The following KCNMA1 variants were observed in gnomAD, a reference collection of about 807,000 sequenced individuals.
The protein encoded by KCNMA1 is Calcium-activated potassium channel subunit alpha-1.
Under a neutral mutation model 140.0 loss-of-function variants are expected in KCNMA1, and 29 were observed. The ratio of observed to expected loss-of-function variants is 0.21; its 90% confidence interval spans 0.15 to 0.28. The LOEUF (loss-of-function observed/expected upper bound fraction) is 0.28, where lower values mean the gene tolerates loss of function less well. Among genes scored for constraint, KCNMA1 ranks in the 10% least tolerant of loss-of-function variants. KCNMA1 has a pLI of 1.00. For missense variants in KCNMA1, 880 were observed against 1,602.2 expected (o/e 0.55, Z 7.70); for synonymous variants, 612 against 611.9 (o/e 1.00, Z 0.00).
intron 2 of KCNMA1, among the ~76,000 whole-genome samples, chr10:77,375,463 C>T (rs1226409901): frequency 6.6e-6 from 1 of 152,192 alleles, no homozygotes; most frequent in East Asian, 1.9e-4. Flanking sequence ...ATTCACGCGG[C>T]TGTTAATGAC....
chr10:77,136,882 A>G (rs2098049000), intron 5 of KCNMA1, among the ~76,000 whole-genome samples: 1 of 152,190 alleles, frequency 6.6e-6, no homozygotes, highest in South Asian at 2.1e-4. Flanking sequence ...CGAGCCCTGT[A>G]CTCACATGCA....
intron 9 of KCNMA1, among the ~76,000 whole-genome samples, chr10:77,105,787 A>G (rs909917086): frequency 7.2e-5 from 11 of 152,224 alleles, no homozygotes; most frequent in African/African-American, 2.7e-4. Flanking sequence ...TTAGAAATAG[A>G]ACAACTGTAG....
intron 2 of KCNMA1, among the ~76,000 whole-genome samples, chr10:77,252,275 G>C (rs547538360): frequency 2.8e-4 from 42 of 152,290 alleles, no homozygotes; most frequent in Middle Eastern, 3.4e-3. Context: ...GCAAATAAAG[G>C]ATAGTCAGAA....
At chr10:77,506,840 A>AGAGTGTGT (rs1251463030) in intron 1 of KCNMA1, among the ~76,000 whole-genome samples, 22 of 120,956 alleles carry the variant, frequency 1.8e-4, no homozygotes, top group Admixed American at 3.5e-4. Context: ...AGAGAGAGAG[A>AGAGTGTGT]GTGTGTGTGT....
chr10:77,186,667 C>A (rs999847582), intron 3 of KCNMA1, among the ~76,000 whole-genome samples: 7 of 152,094 alleles, frequency 4.6e-5, no homozygotes, highest in African/African-American at 1.4e-4. Context: ...GAGTTCCCAG[C>A]CACTCTAGTT....
At chr10:77,012,085 A>C (rs1308900686) in intron 17 of KCNMA1, 42 bp from the exon 18 acceptor site, 5 of 1,612,162 alleles carry the variant, frequency 3.1e-6, no homozygotes, top group Non-Finnish European at 4.2e-6. Context: ...TTCATAATCC[A>C]CCCAAATGAA....
Position 77,476,048 on chromosome 10 carries a change from G to A in KCNMA1, c.379-72025C>T, listed in dbSNP as rs816856. Among the ~76,000 whole-genome samples the A allele has an allele frequency of 7.9e-5, 12 of 152,046 alleles. No homozygotes were observed. The South Asian group carries it at 1.0e-3, about 13-fold the overall frequency. On this transcript the variant is annotated intron_variant, in intron 1 of 27. Coordinates refer to ENST00000286628, the MANE Select transcript of KCNMA1 (RefSeq NM_001161352.2). ...TGGGTTGCAGAAAGAAGTTCCACCC[G>A]TACCCCCAAACCTGGATACTTCCTC...
intron 20 of KCNMA1, among the ~76,000 whole-genome samples, chr10:76,963,009 A>T (rs1391677882): frequency 1.3e-5 from 2 of 152,236 alleles, no homozygotes; most frequent in Admixed American, 6.5e-5. Context: ...TAAAAAGGGC[A>T]TTGTGATGTG....
At chr10:77,519,736 C>T (rs1567291875) in intron 1 of KCNMA1, among the ~76,000 whole-genome samples, 1 of 152,170 alleles carries the variant, frequency 6.6e-6, no homozygotes, top group Non-Finnish European at 1.5e-5. Context: ...TTAACACATC[C>T]CTTCGTGAAA....
At chr10:77,382,179 T>C (rs1001341303) in intron 2 of KCNMA1, among the ~76,000 whole-genome samples, 1 of 152,090 alleles carries the variant, frequency 6.6e-6, no homozygotes, top group Non-Finnish European at 1.5e-5. Context: ...GTAAGCCTTC[T>C]GCCTGCTGGA....
At chr10:77,506,809 C>CCGAGAGAG (rs2046262068) in intron 1 of KCNMA1, among the ~76,000 whole-genome samples, 1 of 41,448 alleles carries the variant, frequency 2.4e-5, no homozygotes, top group Non-Finnish European at 4.8e-5. Context: ...GAAAGATGTT[C>CCGAGAGAG]CGAGAGAGAG....
chr10:77,362,863 T>C (rs780061057), intron 2 of KCNMA1, among the ~76,000 whole-genome samples: 1 of 152,206 alleles, frequency 6.6e-6, no homozygotes, highest in African/African-American at 2.4e-5. Flanking sequence ...CCTGCTGCTG[T>C]CTGGGCCAAG....
At chr10:76,916,909 A>T (rs905619757) in intron 23 of KCNMA1, among the ~76,000 whole-genome samples, 3 of 152,342 alleles carry the variant, frequency 2.0e-5, no homozygotes, top group Middle Eastern at 3.4e-3. Context: ...ACTTTCAAAA[A>T]GAAAGACAAA....
At chr10:77,368,441 A>G (rs899321070) in intron 2 of KCNMA1, among the ~76,000 whole-genome samples, 1 of 152,170 alleles carries the variant, frequency 6.6e-6, no homozygotes, top group African/African-American at 2.4e-5. Context: ...CTGGCTATAA[A>G]GCCTTCTGTA....
At chr10:76,914,227 TCTC>T (rs2152427184) in intron 24 of KCNMA1, 2 of 1,004,816 alleles carry the variant, frequency 2.0e-6, no homozygotes, top group East Asian at 5.2e-5. Flanking sequence ...GAGGAAACAT[TCTC>T]AAGTAAAGGG....
chr10:77,579,611 G>A (rs886817182), intron 1 of KCNMA1, among the ~76,000 whole-genome samples: 4 of 152,072 alleles, frequency 2.6e-5, no homozygotes, highest in South Asian at 4.1e-4. Context: ...AGAAGTGGCC[G>A]GTAGACTCCT....
At chr10:77,359,215 C>T (rs2093741290) in intron 2 of KCNMA1, among the ~76,000 whole-genome samples, 2 of 152,174 alleles carry the variant, frequency 1.3e-5, no homozygotes, top group African/African-American at 4.8e-5. Context: ...TGCTGTTACC[C>T]TATTTTGAAT....
intron 5 of KCNMA1, among the ~76,000 whole-genome samples, chr10:77,157,012 CAG>C (rs1236145016): frequency 6.6e-6 from 1 of 152,178 alleles, no homozygotes; most frequent in Non-Finnish European, 1.5e-5. Context: ...CCAGGGTGGC[CAG>C]ACTCACATTA....
Position 77,251,163 on chromosome 10 carries a change from A to T in KCNMA1, c.602+32T>A, listed in dbSNP as rs200281510. 263 of 1,525,260 alleles carry T rather than the reference A, an allele frequency of 1.7e-4. No individual in the cohort carries two copies. In the African/African-American group the frequency reaches 3.2e-3, roughly 18 times the overall value. 94.5% of individuals were successfully genotyped at this position (1,525,260 alleles called of 1,614,324 possible). On this transcript the variant is annotated intron_variant, in intron 3 of 27. Transcript: ENST00000286628. ...GTAAAGGCTCATGATTGTTTATGAAACGAGGGCAAGAAAGTATATTTGAAT... is the reference window on the plus strand; with the variant it reads ...GTAAAGGCTCATGATTGTTTATGAATCGAGGGCAAGAAAGTATATTTGAAT...
Sources: allele counts gnomAD v4.1 joint callset (sites outside exome capture counted in the v4.1 genomes callset), GRCh38; gene constraint gnomAD v4.1.1; transcripts MANE v1.5; gene names NCBI Gene and HGNC (gene_info 2026-07-23, HGNC 2026-07-21).